Variants in EXOC4 observed in about 807,000 individuals in gnomAD.
EXOC4 encodes the protein SEC8-like 1.
In EXOC4, 71 loss-of-function variants were observed where a neutral mutation model predicts 107.2. The ratio of observed to expected loss-of-function variants is 0.66; its 90% CI spans 0.55 to 0.81. The LOEUF (loss-of-function observed/expected upper bound fraction) is 0.81. Among genes scored for constraint, EXOC4 ranks in the 30% least tolerant of loss-of-function variants. The probability of loss-of-function intolerance (pLI) is 0.00; values close to 1 mark genes in which losing one functional copy is unlikely to be tolerated. For synonymous variants in EXOC4, 456 were observed against 441.2 expected, an observed-to-expected ratio of 1.03 and a Z score of -0.42; for missense variants, 1,108 against 1,189.6, an observed-to-expected ratio of 0.93 and a Z score of 1.01.
chr7:134,021,165 T>G (rs576081933), intron 17 of EXOC4, among the ~76,000 whole-genome samples: 2 of 152,102 alleles, frequency 1.3e-5, no homozygotes, highest in Non-Finnish European at 1.5e-5. Flanking sequence ...AGGAAACAAA[T>G]TAGCTCCCAT....
chr7:133,975,452 A>G (rs1412105335), intron 14 of EXOC4, among the ~76,000 whole-genome samples: 15 of 152,204 alleles, frequency 9.9e-5, no homozygotes, highest in Non-Finnish European at 1.5e-5. Context: ...ATTCATGGGA[A>G]AGTAAAAATT....
chr7:133,686,520 G>T (rs1261472996), intron 10 of EXOC4, among the ~76,000 whole-genome samples: 2 of 152,008 alleles, frequency 1.3e-5, no homozygotes, highest in South Asian at 2.1e-4. Context: ...GGACTTTCAG[G>T]CCTCCCAAAA....
intron 11 of EXOC4, among the ~76,000 whole-genome samples, chr7:133,856,449 G>A (rs1798373926): frequency 6.6e-6 from 1 of 152,150 alleles, no homozygotes; most frequent in Non-Finnish European, 1.5e-5. Context: ...TTTTGTAATT[G>A]CCTGTTTACT....
At chr7:133,556,535 A>G (rs1207042270) in intron 9 of EXOC4, among the ~76,000 whole-genome samples, 1 of 152,210 alleles carries the variant, frequency 6.6e-6, no homozygotes, top group Middle Eastern at 3.2e-3. Context: ...CACCAACTTT[A>G]ATCAAATATA....
chr7:133,751,948 C>A (rs950130039), intron 10 of EXOC4, among the ~76,000 whole-genome samples: 33 of 150,646 alleles, frequency 2.2e-4, no homozygotes, highest in African/African-American at 7.8e-4. Context: ...AGTTTGAGAC[C>A]AGCCTGCACA....
At chr7:133,985,129 T>C (rs981071647) in intron 14 of EXOC4, among the ~76,000 whole-genome samples, 5 of 152,174 alleles carry the variant, frequency 3.3e-5, no homozygotes, top group African/African-American at 1.2e-4. Context: ...ATATAAGATA[T>C]TTCGGAGGAA....
intron 10 of EXOC4, among the ~76,000 whole-genome samples, chr7:133,648,572 A>G (rs900526575): frequency 2.6e-5 from 4 of 152,184 alleles, no homozygotes; most frequent in African/African-American, 4.8e-5. Flanking sequence ...TTATAGTAGG[A>G]TGATATAGTG....
chr7:133,734,974 G>A (rs1180076059), intron 10 of EXOC4, among the ~76,000 whole-genome samples: 2 of 150,720 alleles, frequency 1.3e-5, no homozygotes, highest in African/African-American at 2.4e-5. Context: ...ACTTTGGGAG[G>A]CTGAGGCGGG....
intron 1 of EXOC4, among the ~76,000 whole-genome samples, chr7:133,259,917 T>C (rs1263106778): frequency 6.6e-6 from 1 of 152,160 alleles, no homozygotes; most frequent in South Asian, 2.1e-4. Flanking sequence ...GCTTGATGAA[T>C]TTTTACCTGT....
Position 133,305,876 on chromosome 7 carries a change from G to T in EXOC4, c.472-1G>T. 1.3e-6 allele frequency: 2 copies of T among 1,588,384 alleles called. No individual in the cohort carries two copies. Among genetic ancestry groups the T allele is most frequent in the African/African-American group, 1.4e-5 (1 of 73,496 alleles). On this transcript the variant is annotated splice_acceptor_variant, in intron 3 of 17. Coordinates refer to ENST00000253861, the MANE Select transcript of EXOC4 (RefSeq NM_021807.4). LOFTEE classifies it high-confidence loss of function. ...TGTCTTTCATTTTTTTCTCTTTTCA[G>T]GTGTCAGCAGTTGAGTCTTTGGAGG...
Position 133,840,494 on chromosome 7 carries a change from T to TTTTATTTATTTATTTATTTATTTA in EXOC4, c.1734+22954_1734+22977dup, listed in dbSNP as rs200907309. ...GTTTTATTTATTATTTTTTATTGTA[T>TTTTATTTATTTATTTATTTATTTA]TTTATTTATTTATTTATTTATTTAT... On this transcript the variant is annotated intron_variant, in intron 11 of 17. Coordinates refer to ENST00000253861, the MANE Select transcript of EXOC4 (RefSeq NM_021807.4). Among the ~76,000 whole-genome samples the TTTTATTTATTTATTTATTTATTTA allele has an allele frequency of 3.7e-3, 566 of 151,300 alleles. 7 individuals carry two copies. Among genetic ancestry groups the TTTTATTTATTTATTTATTTATTTA allele is most frequent in the African/African-American group, 0.013 (529 of 40,902 alleles).
intron 9 of EXOC4, among the ~76,000 whole-genome samples, chr7:133,549,607 A>G (rs1048006883): frequency 1.3e-5 from 2 of 152,220 alleles, no homozygotes; most frequent in African/African-American, 2.4e-5. Context: ...AATTATCAAA[A>G]TGTGATACAG....
At chr7:133,928,077 T>C (rs967985012) in intron 13 of EXOC4, among the ~76,000 whole-genome samples, 6 of 152,210 alleles carry the variant, frequency 3.9e-5, no homozygotes, top group Non-Finnish European at 8.8e-5. Context: ...TGTCACTAAT[T>C]TGTTTTCTAA....
In EXOC4 at chr7:133,356,413, A is replaced by T; in HGVS notation, c.847A>T (p.Ile283Phe). The T allele has an allele frequency of 6.2e-7, 1 of 1,614,148 alleles. No homozygotes were observed. The highest frequency in any genetic ancestry group is 8.5e-7 in the Non-Finnish European group (1 of 1,180,008). ...CAGCACCCTGTTTATGGGTATCCTC[A>T]TTAAGGGCTTGGCGAAACTGAAGAA... is the stretch of plus-strand genomic sequence containing the variant. ...ENSTLFMGIL[I>F]KGLAKLKKIP... is the part of the protein sequence containing the mutation. Residue 283 changes from isoleucine (I) to phenylalanine (F), a missense_variant, in exon 6 of 18, where the codon ATT (isoleucine) becomes TTT (phenylalanine). Coordinates refer to ENST00000253861, the MANE Select transcript of EXOC4 (RefSeq NM_021807.4).
At chr7:133,434,678 G>A (rs1584914803) in intron 7 of EXOC4, among the ~76,000 whole-genome samples, 1 of 152,158 alleles carries the variant, frequency 6.6e-6, no homozygotes, top group Non-Finnish European at 1.5e-5. Flanking sequence ...CACCATTGAT[G>A]TTGCTTCAAA....
At chr7:133,391,267 T>C (rs1776595164) in intron 7 of EXOC4, among the ~76,000 whole-genome samples, 1 of 152,218 alleles carries the variant, frequency 6.6e-6, no homozygotes, top group African/African-American at 2.4e-5. Flanking sequence ...CTGTCACCAA[T>C]TGAACTACAG....
At chr7:133,578,706 T>G (rs1801186925) in intron 9 of EXOC4, among the ~76,000 whole-genome samples, 1 of 152,220 alleles carries the variant, frequency 6.6e-6, no homozygotes, top group South Asian at 2.1e-4. Flanking sequence ...TCAAAGTTCT[T>G]AATGTTCTTT....
chr7:133,946,545 T>A (rs1386720951), intron 14 of EXOC4, among the ~76,000 whole-genome samples: 2 of 152,226 alleles, frequency 1.3e-5, no homozygotes, highest in African/African-American at 2.4e-5. Context: ...TCATTTTCAG[T>A]CTTAAATGTA....
At chr7:133,551,942 G>A (rs900096234) in intron 9 of EXOC4, among the ~76,000 whole-genome samples, 1 of 152,136 alleles carries the variant, frequency 6.6e-6, no homozygotes, top group Non-Finnish European at 1.5e-5. Context: ...TTTCTGACTC[G>A]TGGAGAGGGA....
Sources: gnomAD v4.1 joint callset for allele counts (sites outside exome capture counted in the v4.1 genomes callset) on GRCh38, gnomAD v4.1.1 for gene constraint, MANE v1.5 for transcripts, NCBI Gene and HGNC (gene_info 2026-07-23, HGNC 2026-07-21) for gene names.